The following PHYHIP variants were observed in gnomAD, a reference collection of about 807,000 sequenced individuals.
The protein encoded by PHYHIP is phytanoyl-CoA 2-hydroxylase interacting protein.
Under a neutral mutation model 26.1 loss-of-function variants are expected in PHYHIP, and 7 were observed. That is an observed-to-expected ratio of 0.27 (90% CI 0.15 to 0.50). The LOEUF (loss-of-function observed/expected upper bound fraction) is 0.50, where lower values mean the gene tolerates loss of function less well. PHYHIP is among the 20% of genes least tolerant of loss of function. PHYHIP has a pLI of 0.98. For missense variants in PHYHIP, 232 were observed against 454.7 expected (o/e 0.51, Z 4.45); for synonymous variants, 206 against 183.4 (o/e 1.12, Z -1.00).
intron 1 of PHYHIP, among the ~76,000 whole-genome samples, chr8:22,230,421 G>C (rs1301987077): frequency 6.6e-6 from 1 of 152,102 alleles, no homozygotes; most frequent in Non-Finnish European, 1.5e-5. Flanking sequence ...CCTCCCTACG[G>C]TTCTGGGAAA....
chr8:22,220,388 G>C lies in PHYHIP; in HGVS notation c.*965C>G, dbSNP rs1005931217. The stretch of plus-strand genomic sequence containing the variant: ...GGTCCACAGTCCAGGTCACGCATGG[G>C]CACAGTACAGTCATGGCACCATGGC... On this transcript the variant is annotated 3_prime_UTR_variant, in exon 5 of 5. Transcript: ENST00000454243. 3.9e-5 allele frequency: 6 copies of C among 152,798 alleles called. No individual in the cohort carries two copies. The highest frequency in any genetic ancestry group is 1.4e-4 in the African/African-American group (6 of 41,476). 9.5% of individuals were successfully genotyped at this position (152,798 alleles called of 1,614,324 possible).
Position 22,221,225 on chromosome 8 carries a change from G to A in PHYHIP, c.*128C>T, listed in dbSNP as rs1286569418. The A allele has an allele frequency of 2.2e-6, 2 of 894,694 alleles. No individual in the cohort carries two copies. The highest frequency in any genetic ancestry group is 5.3e-5 in the East Asian group (2 of 37,688). The allele number at this position is 894,694 out of a possible 1,614,324, so 55.4% of individuals were successfully genotyped here. On this transcript the variant is annotated 3_prime_UTR_variant, in exon 5 of 5. Coordinates refer to ENST00000454243, the MANE Select transcript of PHYHIP (RefSeq NM_014759.5). This position sits in a 1 kb window ranked among gnomAD's most constrained non-coding sequence, Gnocchi z 7.9. ...TGTTGCCTCCAATGCCAAGGGGCGAGGGGAGGGCAGCTGGGCAGAGTGGAG... is the reference window on the plus strand; with the variant it reads ...TGTTGCCTCCAATGCCAAGGGGCGAAGGGAGGGCAGCTGGGCAGAGTGGAG...
Position 22,230,393 on chromosome 8 carries a change from G to T in PHYHIP, c.-30+1403C>A, listed in dbSNP as rs114416612. ...TGGCGGTAGGGGTCTCCAGGACCTG[G>T]GTGTCTGCTTGTCCCTCCCTCCCTA... On this transcript the variant is annotated intron_variant, in intron 1 of 4. Coordinates refer to ENST00000454243, the MANE Select transcript of PHYHIP (RefSeq NM_014759.5). Among the ~76,000 whole-genome samples, 1,154 of 152,190 alleles carry T rather than the reference G, an allele frequency of 7.6e-3. 10 individuals carry two copies. The highest frequency in any genetic ancestry group is 0.027 in the African/African-American group (1,102 of 41,512).
chr8:22,223,092 G>C (rs1180261770), intron 4 of PHYHIP, among the ~76,000 whole-genome samples: 1 of 152,098 alleles, frequency 6.6e-6, no homozygotes, highest in Non-Finnish European at 1.5e-5. Flanking sequence ...GCCGGGCGTG[G>C]TGGCTCATGC....
chr8:22,224,293 C>A lies in PHYHIP; in HGVS notation c.391G>T (p.Ala131Ser). The change falls in exon 4 of 5, where the codon GCA becomes TCA. Residue 131 changes from alanine to serine, a missense_variant. By Grantham distance (99) the Ala-to-Ser change is moderately conservative. Coordinates refer to ENST00000454243, the MANE Select transcript of PHYHIP (RefSeq NM_014759.5). ...AQLQEKAEQI[A>S]GRMLRFSVFY... ...ACGGAGAAGCGGAGCATGCGGCCTG[C>A]GATCTGCTCAGCTTTCTCCTGAAGC... The A allele has an allele frequency of 6.2e-7, 1 of 1,612,492 alleles. No individual in the cohort carries two copies.
intron 3 of PHYHIP, among the ~76,000 whole-genome samples, chr8:22,226,609 A>G (rs1243050868): frequency 6.6e-6 from 1 of 152,192 alleles, no homozygotes; most frequent in East Asian, 1.9e-4. Flanking sequence ...TCTTAATGGA[A>G]GTGGTCTTGC....
chr8:22,224,330 C>G lies in PHYHIP; in HGVS notation c.354G>C (p.Glu118Asp), dbSNP rs745822454. The change falls in exon 4 of 5, where the codon GAG becomes GAC. Residue 118 changes from glutamate (E) to aspartate (D), a missense_variant. By Grantham distance (45) the Glu-to-Asp change is conservative (BLOSUM62 2). Transcript: ENST00000454243. ...VEFCTGDYAK[E>D]HLAQLQEKAE... ...CTTTCTCCTGAAGCTGAGCCAGGTG[C>G]TCCTTGGCATAATCTGCAAGATCCC... is the stretch of plus-strand genomic sequence containing the variant. 1.2e-6 allele frequency: 2 copies of G among 1,604,168 alleles called. No homozygotes were observed. The highest frequency in any genetic ancestry group is 2.2e-5 in the South Asian group (2 of 90,896).
chr8:22,228,484 C>G (rs1829797688), intron 1 of PHYHIP, 98 bp from the exon 2 acceptor site: 1 of 656,706 alleles, frequency 1.5e-6, no homozygotes, highest in Admixed American at 2.6e-5. Context: ...ACCTCAAGGA[C>G]CCCTGGAATC....
At chr8:22,227,501 A>C in intron 2 of PHYHIP, 1 of 398,830 alleles carries the variant, frequency 2.5e-6, no homozygotes. Flanking sequence ...TTCCAGAGAA[A>C]GAGAGCGGGT....
chr8:22,227,789 G>A (rs894584393), intron 2 of PHYHIP: 2 of 454,542 alleles, frequency 4.4e-6, no homozygotes, highest in Non-Finnish European at 8.8e-6. Flanking sequence ...AGCCAACAGC[G>A]AGGCTGTGCC....
chr8:22,225,934 G>C (rs1586490982), intron 3 of PHYHIP, among the ~76,000 whole-genome samples: 1 of 152,232 alleles, frequency 6.6e-6, no homozygotes, highest in Non-Finnish European at 1.5e-5. Flanking sequence ...GAGGCCCGGG[G>C]CTGAGAATGT....
chr8:22,227,480 G>A (rs74723594), intron 2 of PHYHIP, among the ~76,000 whole-genome samples: 6,469 of 152,258 alleles, frequency 0.042, 235 homozygotes, highest in Admixed American at 0.084. Context: ...CACCCAGATC[G>A]GGAGAGCCGG....
intron 4 of PHYHIP, among the ~76,000 whole-genome samples, chr8:22,222,953 C>T (rs114835317): frequency 0.042 from 6,341 of 152,208 alleles, 423 homozygotes; most frequent in African/African-American, 0.14. Context: ...GGCCTCCCAA[C>T]GTGGTAGGAT....
At chr8:22,223,851 AG>A in intron 4 of PHYHIP, 1 of 183,394 alleles carries the variant, frequency 5.5e-6, no homozygotes, top group South Asian at 1.3e-4. Flanking sequence ...CTTTGTGATC[AG>A]AACACTCATT....
Position 22,221,575 on chromosome 8 carries a change from C to T in PHYHIP, c.771G>A (p.Leu257=). 1 of 1,614,066 alleles carries T rather than the reference C, an allele frequency of 6.2e-7. No individual in the cohort carries two copies. The highest frequency in any genetic ancestry group is 8.5e-7 in the Non-Finnish European group (1 of 1,180,004). Residue 257 remains leucine (L), a synonymous_variant, in exon 5 of 5, where the codon CTG becomes CTA. Transcript: ENST00000454243. The surrounding 1 kb of genome is among the most constrained non-coding windows in gnomAD (Gnocchi z 7.9). The stretch of plus-strand genomic sequence containing the variant: ...TCAGGAACTTGTTGCAAGCAATGTC[C>T]AGGAGGGGCAGGCGGTCGCGGCAGA... ...DRFCRDRLPL[L]DIACNKFLTC... is the part of the protein sequence containing the mutation.
intron 2 of PHYHIP, among the ~76,000 whole-genome samples, chr8:22,227,860 A>G (rs886622541): frequency 2.6e-5 from 4 of 152,114 alleles, no homozygotes; most frequent in Non-Finnish European, 4.4e-5. Context: ...CTGCGGCCCC[A>G]CCCTACCCGG....
intron 4 of PHYHIP, among the ~76,000 whole-genome samples, chr8:22,223,373 A>G (rs886940849): frequency 1.3e-5 from 2 of 151,490 alleles, no homozygotes; most frequent in African/African-American, 4.9e-5. Flanking sequence ...AAAAAAAAAA[A>G]AAAAAAAAGG....
chr8:22,221,480 G>C lies in PHYHIP; in HGVS notation c.866C>G (p.Thr289Ser). 1 of 1,614,190 alleles carries C rather than the reference G, an allele frequency of 6.2e-7. No individual in the cohort carries two copies. Among genetic ancestry groups the C allele is most frequent in the Non-Finnish European group, 8.5e-7 (1 of 1,180,020 alleles). Residue 289 changes from threonine to serine, a missense_variant, in exon 5 of 5, where the codon ACT becomes AGT. By Grantham distance (58) the Thr-to-Ser change is moderately conservative. Coordinates refer to ENST00000454243, the MANE Select transcript of PHYHIP (RefSeq NM_014759.5). This position sits in a 1 kb window ranked among gnomAD's most constrained non-coding sequence, Gnocchi z 7.9. ...GCCCAGGGACAGGTCGACGGGCTCA[G>C]TGTAGATGATCTCCAGGATGAGGTC... ...AQDLILEIIY[T>S]EPVDLSLGTL...
intron 4 of PHYHIP, chr8:22,223,941 G>A: frequency 2.9e-6 from 1 of 342,982 alleles, no homozygotes; most frequent in South Asian, 4.1e-5. Context: ...CCTGTGAAAG[G>A]AACTGTCCCA....
Sources: gnomAD v4.1 joint callset for allele counts (sites outside exome capture counted in the v4.1 genomes callset) on GRCh38, gnomAD v4.1.1 for gene constraint, Gnocchi (gnomAD v3.1) non-coding constraint, MANE v1.5 for transcripts, NCBI Gene and HGNC (gene_info 2026-07-23, HGNC 2026-07-21) for gene names.